Variants in IRS1 observed in about 807,000 individuals in gnomAD.
IRS1 encodes the protein insulin receptor substrate 1.
A neutral mutation model predicts 65.6 loss-of-function variants in IRS1; 34 were observed. The observed-to-expected ratio is 0.52, with a 90% CI of 0.39 to 0.69. IRS1 has a LOEUF of 0.69. Among genes scored for constraint, IRS1 ranks in the 30% least tolerant of loss-of-function variants. The pLI, the probability that IRS1 is intolerant of heterozygous loss-of-function variation, is 0.00. For missense variants in IRS1, 1,641 were observed against 1,720.2 expected, an observed-to-expected ratio of 0.95 and a Z score of 0.81; for synonymous variants, 699 against 683.5, an observed-to-expected ratio of 1.02 and a Z score of -0.35.
At chr2:226,776,101 T>C (rs1439573531) in intron 1 of IRS1, among the ~76,000 whole-genome samples, 3 of 152,024 alleles carry the variant, frequency 2.0e-5, no homozygotes, top group African/African-American at 7.2e-5. Flanking sequence ...GATCCTGTAG[T>C]ATATTGGAGT....
Position 226,795,987 on chromosome 2 carries a change from A to G in IRS1, c.2752T>C (p.Ser918Pro), listed in dbSNP as rs1939712613. Residue 918 changes from serine to proline, a missense_variant, in exon 1 of 2, where the codon TCA (serine) becomes CCA (proline). Physicochemically the swap from Ser to Pro is moderately conservative, Grantham distance 74. Around this residue, in one of 3 missense-constraint regions of IRS1, gnomAD observed 1,324 missense variants for 1,361.0 expected, o/e 0.97. Transcript: ENST00000305123. ...YLSGPVAFHS[S>P]PSVRCPSQLQ... is the part of the protein sequence containing the mutation. Reference sequence around the variant, plus strand: ...TGGGATGGACACCTGACAGAAGGTGAGCTGTGGAAAGCCACCGGGCCAGAC... The same window carrying G: ...TGGGATGGACACCTGACAGAAGGTGGGCTGTGGAAAGCCACCGGGCCAGAC... The G allele has an allele frequency of 5.0e-6, 8 of 1,614,148 alleles. No individual in the cohort carries two copies. Among genetic ancestry groups the G allele is most frequent in the Non-Finnish European group, 6.8e-6 (8 of 1,180,040 alleles).
intron 1 of IRS1, among the ~76,000 whole-genome samples, chr2:226,782,474 T>C (rs1039963658): frequency 7.2e-5 from 11 of 152,148 alleles, no homozygotes; most frequent in Non-Finnish European, 1.2e-4. Flanking sequence ...CGAAAGCCCT[T>C]TCAAACCATT....
intron 1 of IRS1, among the ~76,000 whole-genome samples, chr2:226,745,005 G>A (rs572968010): frequency 3.3e-4 from 50 of 152,086 alleles, no homozygotes; most frequent in Non-Finnish European, 5.6e-4. Flanking sequence ...AGCTGAAACT[G>A]ATTATAATAC....
intron 1 of IRS1, among the ~76,000 whole-genome samples, chr2:226,780,216 C>T (rs186382083): frequency 2.4e-4 from 37 of 152,136 alleles, no homozygotes; most frequent in Admixed American, 2.0e-3. Context: ...CATGGTGAAA[C>T]CCCATCTCTA....
At chr2:226,757,324 T>C (rs1430414092) in intron 1 of IRS1, among the ~76,000 whole-genome samples, 2 of 152,070 alleles carry the variant, frequency 1.3e-5, no homozygotes, top group Non-Finnish European at 2.9e-5. Flanking sequence ...TGAGAAACAG[T>C]CTTGTGAGGC....
At chr2:226,766,140 TATATATATATATATATA>T (rs1939033386) in intron 1 of IRS1, among the ~76,000 whole-genome samples, 1 of 4,242 alleles carries the variant, frequency 2.4e-4, no homozygotes, top group African/African-American at 5.7e-4. Flanking sequence ...TATATATATA[TATATATATATATATATA>T]TATATATTTT....
Position 226,798,933 on chromosome 2 carries a change from G to T in IRS1, c.-195C>A. On this transcript the variant is annotated 5_prime_UTR_variant, in exon 1 of 2. Transcript: ENST00000305123. This position sits in a 1 kb window ranked among gnomAD's most constrained non-coding sequence, Gnocchi z 9.4. ...GAGGACGCAGCTGCTGAGCCCAGGAGAGAGCCCGACCGGAGTTTTCGGGCG... is the reference window on the plus strand; with the variant it reads ...GAGGACGCAGCTGCTGAGCCCAGGATAGAGCCCGACCGGAGTTTTCGGGCG... 6.9e-7 allele frequency: 1 copy of T among 1,457,612 alleles called. No homozygotes were observed. 90.3% of individuals were successfully genotyped at this position (1,457,612 alleles called of 1,614,324 possible). A position where few individuals can be genotyped will look rare whatever the true frequency, so the allele number is the denominator to read the frequency against.
chr2:226,792,131 GTTT>G (rs1003579414), intron 1 of IRS1: 1 of 151,872 alleles, frequency 6.6e-6, no homozygotes, highest in Admixed American at 6.6e-5. Flanking sequence ...GTCTTTTTCT[GTTT>G]TTTTTCTTTT....
Position 226,798,724 on chromosome 2 carries a change from C to A in IRS1, c.15G>T (p.Pro5=). The A allele has an allele frequency of 6.2e-7, 1 of 1,611,818 alleles. No homozygotes were observed. The highest frequency in any genetic ancestry group is 8.5e-7 in the Non-Finnish European group (1 of 1,179,552). The change falls in exon 1 of 2, where the codon CCG becomes CCT. Residue 5 remains proline (P), a synonymous_variant. Transcript: ENST00000305123. The surrounding 1 kb of genome is among the most constrained non-coding windows in gnomAD (Gnocchi z 9.4). ...GCACGTCCGAGAAGCCATCGCTCTC[C>A]GGAGGGCTCGCCATGCTGCCACCGC... MASP[P]ESDGFSDVRK... is the part of the protein sequence containing the mutation.
At chr2:226,785,578 G>C (rs867244054) in intron 1 of IRS1, among the ~76,000 whole-genome samples, 6 of 152,172 alleles carry the variant, frequency 3.9e-5, no homozygotes, top group African/African-American at 7.2e-5. Context: ...ACTCCAGCCT[G>C]GGTGACAGAG....
chr2:226,768,790 C>A (rs1399308650), intron 1 of IRS1, among the ~76,000 whole-genome samples: 1 of 152,136 alleles, frequency 6.6e-6, no homozygotes, highest in African/African-American at 2.4e-5. Context: ...GCGCCCCCCA[C>A]CACGCCCGGC....
At chr2:226,782,946 G>A (rs1244647278) in intron 1 of IRS1, among the ~76,000 whole-genome samples, 3 of 152,218 alleles carry the variant, frequency 2.0e-5, no homozygotes, top group Non-Finnish European at 2.9e-5. Flanking sequence ...GCTGCAGCGA[G>A]CCAAGATCAC....
chr2:226,752,383 A>G (rs1243241746), intron 1 of IRS1, among the ~76,000 whole-genome samples: 1 of 152,214 alleles, frequency 6.6e-6, no homozygotes, highest in African/African-American at 2.4e-5. Flanking sequence ...AATCAACAGC[A>G]CACACTTCAG....
At chr2:226,748,181 A>G (rs1938593540) in intron 1 of IRS1, among the ~76,000 whole-genome samples, 1 of 151,888 alleles carries the variant, frequency 6.6e-6, no homozygotes, top group East Asian at 1.9e-4. Flanking sequence ...TAATACCAGC[A>G]CTTTGAGAGG....
intron 1 of IRS1, among the ~76,000 whole-genome samples, chr2:226,747,147 T>G (rs891081208): frequency 3.3e-5 from 5 of 152,158 alleles, no homozygotes; most frequent in Admixed American, 6.6e-5. Context: ...GAGCTGCTTG[T>G]CTGGCTGAGC....
At position 226,796,387 on chromosome 2, in the gene IRS1, G is replaced by A. The variant is rs761619550; in HGVS notation, c.2352C>T (p.Ala784=). ...TGGAAAGGCGGAGGTGCTGATGCCG[G>A]GCACCCTCCTCCGGCTCCCCGGGGC... The part of the protein sequence containing the change: ...TQRPGEPEEG[A]RHQHLRLSTS... The change falls in exon 1 of 2, where the codon GCC becomes GCT. Residue 784 remains alanine, a synonymous_variant. Transcript: ENST00000305123. 1.9e-6 allele frequency: 3 copies of A among 1,613,282 alleles called. No homozygotes were observed. Among genetic ancestry groups the A allele is most frequent in the Non-Finnish European group, 2.5e-6 (3 of 1,180,020 alleles).
chr2:226,765,197 G>A (rs867236117), intron 1 of IRS1, among the ~76,000 whole-genome samples: 22 of 152,132 alleles, frequency 1.4e-4, no homozygotes, highest in Admixed American at 1.0e-3. Flanking sequence ...TTAGCCTTAC[G>A]AGTAGTTGGG....
intron 1 of IRS1, among the ~76,000 whole-genome samples, chr2:226,752,522 G>T (rs967702766): frequency 6.6e-6 from 1 of 152,162 alleles, no homozygotes; most frequent in South Asian, 2.1e-4. Flanking sequence ...TAACCCCAAG[G>T]TGCAGCTTTA....
chr2:226,748,428 C>CAAAAAA (rs748065097), intron 1 of IRS1, among the ~76,000 whole-genome samples: 2 of 49,636 alleles, frequency 4.0e-5, no homozygotes, highest in East Asian at 6.7e-4. Flanking sequence ...GACTCTGTCT[C>CAAAAAA]AAAAAAAAAA....
Sources: gnomAD v4.1 joint callset for allele counts (sites outside exome capture counted in the v4.1 genomes callset) on GRCh38, gnomAD v4.1.1 for gene constraint, gnomAD v4.1.1 regional missense constraint, Gnocchi (gnomAD v3.1) non-coding constraint, MANE v1.5 for transcripts, NCBI Gene and HGNC (gene_info 2026-07-23, HGNC 2026-07-21) for gene names.